The following MFF variants were observed in gnomAD, a reference collection of about 807,000 sequenced individuals.
MFF encodes the protein mitochondrial fission factor.
MFF carries 12 observed loss-of-function variants against 36.9 expected under a neutral mutation model. The observed-to-expected ratio is 0.33, with a 90% CI of 0.21 to 0.53. The LOEUF is 0.53. Ranked by LOEUF, MFF falls within the 20% of genes least tolerant of loss-of-function variation. The probability of loss-of-function intolerance (pLI) is 0.95; values close to 1 mark genes in which losing one functional copy is unlikely to be tolerated. For synonymous variants in MFF, 99 were observed against 126.2 expected (o/e 0.78, Z 1.44); for missense variants, 348 against 366.6 (o/e 0.95, Z 0.42).
intron 5 of MFF, among the ~76,000 whole-genome samples, chr2:227,341,206 T>C (rs916792036): frequency 3.9e-5 from 6 of 152,076 alleles, no homozygotes; most frequent in Non-Finnish European, 7.4e-5. Context: ...TATTAATCTC[T>C]AGTTTGGACC....
chr2:227,355,369 C>T lies in MFF; in HGVS notation c.660-308C>T, dbSNP rs1438868076. On this transcript the variant is annotated intron_variant, in intron 7 of 8. Transcript: ENST00000304593. Reference sequence around the variant, plus strand: ...GTGGCAGCTCTCAAACCTTTTCAGCCAGGGACCCTTTTTAGCATCGCCAAT... The same window carrying T: ...GTGGCAGCTCTCAAACCTTTTCAGCTAGGGACCCTTTTTAGCATCGCCAAT... 1.5e-5 allele frequency: 3 copies of T among 200,110 alleles called. No homozygotes were observed. The Admixed American group carries it at 1.7e-4, about 12-fold the overall frequency. The allele number at this position is 200,110 out of a possible 1,614,324, so 12.4% of individuals were successfully genotyped here.
At position 227,357,357 on chromosome 2, in the gene MFF, G is replaced by T. The variant is rs1200426238; in HGVS notation, c.*240G>T. On this transcript the variant is annotated 3_prime_UTR_variant, in exon 9 of 9. Transcript: ENST00000304593. Reference sequence around the variant, plus strand: ...AACACCTGCTTAAAATTCTCCCTTTGCATGTTTTGTAAATAGGCTCCAGTT... The same window carrying T: ...AACACCTGCTTAAAATTCTCCCTTTTCATGTTTTGTAAATAGGCTCCAGTT... 3 of 337,432 alleles carry T rather than the reference G, an allele frequency of 8.9e-6. No homozygotes were observed. Among genetic ancestry groups the T allele is most frequent in the African/African-American group, 6.2e-5 (3 of 48,708 alleles). The allele number at this position is 337,432 out of a possible 1,614,324, so 20.9% of individuals were successfully genotyped here.
intron 2 of MFF, chr2:227,329,888 C>A: frequency 1.4e-6 from 1 of 693,534 alleles, no homozygotes; most frequent in Non-Finnish European, 2.4e-6. Context: ...TTTTTATCAG[C>A]TTTTGTATTG....
At chr2:227,345,378 T>G (rs985975620) in intron 5 of MFF, among the ~76,000 whole-genome samples, 1 of 152,256 alleles carries the variant, frequency 6.6e-6, no homozygotes, top group African/African-American at 2.4e-5. Context: ...TTTAATATGT[T>G]AGTATATAGC....
At position 227,357,339 on chromosome 2, in the gene MFF, G is replaced by A. The variant is rs1458098679; in HGVS notation, c.*222G>A. 2.7e-6 allele frequency: 1 copy of A among 374,362 alleles called. No individual in the cohort carries two copies. Among genetic ancestry groups the A allele is most frequent in the African/African-American group, 2.0e-5 (1 of 49,766 alleles). The allele number at this position is 374,362 out of a possible 1,614,324, so 23.2% of individuals were successfully genotyped here. A position where few individuals can be genotyped will look rare whatever the true frequency, so the allele number is the denominator to read the frequency against. On this transcript the variant is annotated 3_prime_UTR_variant, in exon 9 of 9. Transcript: ENST00000304593. ...TCTGAGCAGTTCTGCAGTAACACCT[G>A]CTTAAAATTCTCCCTTTGCATGTTT... is the stretch of plus-strand genomic sequence containing the variant.
chr2:227,344,477 A>C (rs941955261), intron 5 of MFF, among the ~76,000 whole-genome samples: 4 of 152,238 alleles, frequency 2.6e-5, no homozygotes, highest in African/African-American at 9.6e-5. Flanking sequence ...AGTACATTTT[A>C]GCTCCTGTCA....
intron 5 of MFF, chr2:227,340,649 A>C (rs770016764): frequency 1.2e-5 from 4 of 341,768 alleles, no homozygotes; most frequent in Non-Finnish European, 2.2e-5. Context: ...CTTTGCTTCT[A>C]ATGAGCTATG....
chr2:227,348,662 A>G (rs535574551), intron 6 of MFF, among the ~76,000 whole-genome samples: 2 of 152,324 alleles, frequency 1.3e-5, no homozygotes, highest in Admixed American at 6.5e-5. Context: ...TCAGGGAGTC[A>G]GTTAGAATTA....
chr2:227,332,577 C>G lies in MFF; in HGVS notation c.340C>G (p.Gln114Glu). 6.2e-7 allele frequency: 1 copy of G among 1,607,622 alleles called. No individual in the cohort carries two copies. The highest frequency in any genetic ancestry group is 8.5e-7 in the Non-Finnish European group (1 of 1,177,176). Residue 114 changes from glutamine (Q) to glutamate (E), a missense_variant, in exon 4 of 9, where the codon CAA becomes GAA. Physicochemically the swap from Gln to Glu is conservative, Grantham distance 29. Coordinates refer to ENST00000304593, the MANE Select transcript of MFF (RefSeq NM_001277062.2). ...LDLERPPTTP[Q>E]NEEIRAVGRL... The stretch of plus-strand genomic sequence containing the variant: ...TTTAGAAAGACCTCCTACAACCCCT[C>G]AAAATGAAGAAGTAAGTAGAACTTT...
At chr2:227,334,137 G>A (rs1464543015) in intron 4 of MFF, among the ~76,000 whole-genome samples, 2 of 152,166 alleles carry the variant, frequency 1.3e-5, no homozygotes, top group Admixed American at 6.5e-5. Context: ...GTTCTAGGGC[G>A]TATCTCTGAA....
intron 7 of MFF, among the ~76,000 whole-genome samples, chr2:227,353,782 T>G (rs1479659466): frequency 6.6e-6 from 1 of 152,214 alleles, no homozygotes; most frequent in Non-Finnish European, 1.5e-5. Context: ...TATCTAAACC[T>G]TAGTTAATTC....
intron 2 of MFF, chr2:227,329,999 A>T (rs778767367): frequency 1.1e-5 from 4 of 371,184 alleles, no homozygotes; most frequent in African/African-American, 4.2e-5. Context: ...CCAAAAATGA[A>T]TACAAACATG....
At chr2:227,345,077 A>G (rs916931966) in intron 5 of MFF, among the ~76,000 whole-genome samples, 1 of 152,142 alleles carries the variant, frequency 6.6e-6, no homozygotes, top group East Asian at 1.9e-4. Context: ...TCTGCATTCC[A>G]TCTTAGGAAC....
At chr2:227,345,423 T>C (rs967096157) in intron 5 of MFF, among the ~76,000 whole-genome samples, 1 of 152,238 alleles carries the variant, frequency 6.6e-6, no homozygotes, top group Non-Finnish European at 1.5e-5. Flanking sequence ...ATACACAAAG[T>C]GTTCAATTTA....
In MFF at chr2:227,353,292, T is replaced by C. The variant is rs187930933; in HGVS notation, c.659+719T>C. Among the ~76,000 whole-genome samples the C allele has an allele frequency of 2.6e-5, 4 of 152,338 alleles. No individual in the cohort carries two copies. In the East Asian group the frequency reaches 7.7e-4, roughly 29 times the overall value. The stretch of plus-strand genomic sequence containing the variant: ...GGAAAAAATCAAAAACTTGTTGGTA[T>C]TCACAGATGCTATTACTGTATAATT... On this transcript the variant is annotated intron_variant, in intron 7 of 8. Coordinates refer to ENST00000304593, the MANE Select transcript of MFF (RefSeq NM_001277062.2).
chr2:227,325,677 C>T (rs1489649160), intron 1 of MFF: 1 of 152,234 alleles, frequency 6.6e-6, no homozygotes, highest in Non-Finnish European at 1.5e-5. Context: ...TTGGGCGAAC[C>T]TCTTCACCTT....
intron 5 of MFF, chr2:227,342,860 T>C (rs910215058): frequency 6.5e-7 from 1 of 1,527,028 alleles, no homozygotes; most frequent in Non-Finnish European, 9.1e-7. Context: ...GTAGTTGTTT[T>C]GATTTTGAAG....
At chr2:227,354,777 T>G (rs2076177078) in intron 7 of MFF, among the ~76,000 whole-genome samples, 1 of 152,210 alleles carries the variant, frequency 6.6e-6, no homozygotes, top group African/African-American at 2.4e-5. Flanking sequence ...TTGGGCCAAT[T>G]CTGGAGCTAA....
chr2:227,343,596 A>G (rs1289344290), intron 5 of MFF, among the ~76,000 whole-genome samples: 1 of 152,044 alleles, frequency 6.6e-6, no homozygotes, highest in Non-Finnish European at 1.5e-5. Flanking sequence ...TTTTCTCTTT[A>G]TTGTTTTACC....
Sources: allele counts gnomAD v4.1 joint callset (sites outside exome capture counted in the v4.1 genomes callset), GRCh38; gene constraint gnomAD v4.1.1; transcripts MANE v1.5; gene names NCBI Gene and HGNC (gene_info 2026-07-23, HGNC 2026-07-21).